Variants in MAN1C1 observed in about 807,000 individuals in gnomAD.
MAN1C1 encodes mannosyl-oligosaccharide 1,2-alpha-mannosidase IC.
MAN1C1 carries 49 observed loss-of-function variants against 71.5 expected under a neutral mutation model. The ratio of observed to expected loss-of-function variants is 0.69; its 90% confidence interval spans 0.54 to 0.87. MAN1C1 has a LOEUF of 0.87. Among genes scored for constraint, MAN1C1 ranks in the 40% least tolerant of loss-of-function variants. The pLI, the probability that MAN1C1 is intolerant of heterozygous loss-of-function variation, is 0.00. For missense variants in MAN1C1, 743 were observed against 835.0 expected, an observed-to-expected ratio of 0.89 and a Z score of 1.36; for synonymous variants, 352 against 343.7, an observed-to-expected ratio of 1.02 and a Z score of -0.27.
At chr1:25,722,138 A>C (rs1201923583) in intron 2 of MAN1C1, among the ~76,000 whole-genome samples, 1 of 152,222 alleles carries the variant, frequency 6.6e-6, no homozygotes, top group East Asian at 1.9e-4. Context: ...TCCGGATGAG[A>C]AACCTGATGC....
intron 1 of MAN1C1, among the ~76,000 whole-genome samples, chr1:25,677,570 T>A (rs1415992096): frequency 6.6e-6 from 1 of 152,196 alleles, no homozygotes; most frequent in African/African-American, 2.4e-5. Context: ...TATCTCTTGC[T>A]GTAGCTCTGG....
chr1:25,644,589 G>A (rs1164494576), intron 1 of MAN1C1: 2 of 139,740 alleles, frequency 1.4e-5, no homozygotes, highest in Non-Finnish European at 3.0e-5. Context: ...ACAGTGGTGC[G>A]ATCTGGGCTC....
rs535830820 is a variant in MAN1C1, at chr1:25,776,715, G to A, written c.1258-1390G>A. Among the ~76,000 whole-genome samples, 4 of 152,120 alleles carry A rather than the reference G, an allele frequency of 2.6e-5. No individual in the cohort carries two copies. Among genetic ancestry groups the A allele is most frequent in the Admixed American group, 6.5e-5 (1 of 15,270 alleles). On this transcript the variant is annotated intron_variant, in intron 8 of 11. Transcript: ENST00000374332. The surrounding 1 kb of genome is among the most constrained non-coding windows in gnomAD (Gnocchi z 4.3). ...ACCAAGGAAATATTACATGGCTGCC[G>A]AGATATTGTAAGCCAGGAGGGTACC...
intron 1 of MAN1C1, among the ~76,000 whole-genome samples, chr1:25,625,643 C>T (rs1044995357): frequency 2.0e-5 from 3 of 152,058 alleles, no homozygotes; most frequent in Non-Finnish European, 4.4e-5. Flanking sequence ...TAGCAAGACC[C>T]TGTCGCTCTC....
In MAN1C1 at chr1:25,784,050, A is replaced by G. The variant is rs1440782741; in HGVS notation, c.*261A>G. Reference sequence around the variant, plus strand: ...ATGAAGCCCACTCACTTGCCATTCCAGGGCCAAAGGACCGGAGGTTTGCAT... The same window carrying G: ...ATGAAGCCCACTCACTTGCCATTCCGGGGCCAAAGGACCGGAGGTTTGCAT... On this transcript the variant is annotated 3_prime_UTR_variant, in exon 12 of 12. Coordinates refer to ENST00000374332, the MANE Select transcript of MAN1C1 (RefSeq NM_020379.4). 2 of 402,346 alleles carry G rather than the reference A, an allele frequency of 5.0e-6. No individual in the cohort carries two copies. The highest frequency in any genetic ancestry group is 8.9e-6 in the Non-Finnish European group (2 of 224,526). 24.9% of individuals were successfully genotyped at this position (402,346 alleles called of 1,614,324 possible).
chr1:25,678,466 C>A (rs1332547573), intron 1 of MAN1C1, among the ~76,000 whole-genome samples: 1 of 152,178 alleles, frequency 6.6e-6, no homozygotes, highest in Non-Finnish European at 1.5e-5. Context: ...GTCTCAAAAT[C>A]GTTAAACAGT....
At position 25,782,724 on chromosome 1, in the gene MAN1C1, G is replaced by A. The variant is rs1232543823; in HGVS notation, c.1766+24G>A. ...AAGTGAGCAGTGTGGGCTCTTCCTA[G>A]GGATGGACAGGTGGGAGGTTGAGGG... On this transcript the variant is annotated intron_variant, in intron 11 of 11. Coordinates refer to ENST00000374332, the MANE Select transcript of MAN1C1 (RefSeq NM_020379.4). The surrounding 1 kb of genome is among the most constrained non-coding windows in gnomAD (Gnocchi z 4.4). 4 of 1,564,458 alleles carry A rather than the reference G, an allele frequency of 2.6e-6. No homozygotes were observed. Among genetic ancestry groups the A allele is most frequent in the African/African-American group, 2.7e-5 (2 of 73,804 alleles).
chr1:25,770,386 A>C (rs2047533949), intron 7 of MAN1C1, among the ~76,000 whole-genome samples: 2 of 151,812 alleles, frequency 1.3e-5, no homozygotes, highest in Non-Finnish European at 2.9e-5. Context: ...CCTCCTCTCG[A>C]CCCCCATTCC....
chr1:25,712,678 G>A (rs565986949), intron 2 of MAN1C1, among the ~76,000 whole-genome samples: 40 of 152,228 alleles, frequency 2.6e-4, no homozygotes, highest in Non-Finnish European at 4.1e-4. Flanking sequence ...TTCACTTCTC[G>A]AATAGGAAAA....
chr1:25,653,959 G>C (rs2045727745), intron 1 of MAN1C1, among the ~76,000 whole-genome samples: 1 of 152,194 alleles, frequency 6.6e-6, no homozygotes, highest in Non-Finnish European at 1.5e-5. Flanking sequence ...GGCCAGGGAA[G>C]CTGATAACCA....
chr1:25,628,962 A>G (rs1435678958), intron 1 of MAN1C1, among the ~76,000 whole-genome samples: 1 of 152,212 alleles, frequency 6.6e-6, no homozygotes, highest in Non-Finnish European at 1.5e-5. Context: ...TCCATGGCAT[A>G]TATATACCAC....
chr1:25,631,285 G>A lies in MAN1C1; in HGVS notation c.540+12948G>A, dbSNP rs999446073. On this transcript the variant is annotated intron_variant, in intron 1 of 11. Transcript: ENST00000374332. This position sits in a 1 kb window ranked among gnomAD's most constrained non-coding sequence, Gnocchi z 4.2. Reference sequence around the variant, plus strand: ...ACCCAGCCCAGTGCTATGTTTAATAGAAGTAGTGAAAGTCGGCATCCTTGT... The same window carrying A: ...ACCCAGCCCAGTGCTATGTTTAATAAAAGTAGTGAAAGTCGGCATCCTTGT... Among the ~76,000 whole-genome samples the A allele has an allele frequency of 3.3e-5, 5 of 152,190 alleles. No individual in the cohort carries two copies. Among genetic ancestry groups the A allele is most frequent in the Non-Finnish European group, 5.9e-5 (4 of 68,020 alleles).
At chr1:25,728,695 G>A (rs1452185330) in intron 2 of MAN1C1, among the ~76,000 whole-genome samples, 1 of 152,174 alleles carries the variant, frequency 6.6e-6, no homozygotes, top group Non-Finnish European at 1.5e-5. Context: ...AGGCCTCAAA[G>A]TGGTGTATGG....
At position 25,781,051 on chromosome 1, in the gene MAN1C1, T is replaced by C. The variant is rs1297768241; in HGVS notation, c.1589T>C (p.Met530Thr). 3 of 1,614,070 alleles carry C rather than the reference T, an allele frequency of 1.9e-6. No homozygotes were observed. In the South Asian group the frequency reaches 3.3e-5, roughly 18 times the overall value. ...CGGCCAGAGGTGGTGGAGAGCTACA[T>C]GTACCTGTGGCGACAGACCCACAAC... ...ILRPEVVESYMYLWRQTHNPI... is the reference protein window; with the variant it reads ...ILRPEVVESYTYLWRQTHNPI... The change falls in exon 10 of 12, where the codon ATG (methionine) becomes ACG (threonine). Residue 530 changes from methionine to threonine, a missense_variant. By Grantham distance (81) the Met-to-Thr change is moderately conservative. Coordinates refer to ENST00000374332, the MANE Select transcript of MAN1C1 (RefSeq NM_020379.4).
chr1:25,768,806 C>T (rs1348440787), intron 7 of MAN1C1, among the ~76,000 whole-genome samples: 3 of 148,584 alleles, frequency 2.0e-5, no homozygotes, highest in Non-Finnish European at 4.5e-5. Flanking sequence ...ACACACTGCG[C>T]TCACACATAT....
At position 25,783,756 on chromosome 1, in the gene MAN1C1, A is replaced by G. The variant is rs1168771184; in HGVS notation, c.1860A>G (p.Ser620=). The G allele has an allele frequency of 6.2e-7, 1 of 1,612,828 alleles. No individual in the cohort carries two copies. Among genetic ancestry groups the G allele is most frequent in the Non-Finnish European group, 8.5e-7 (1 of 1,180,018 alleles). Residue 620 remains serine, a synonymous_variant, in exon 12 of 12, where the codon TCA becomes TCG. Transcript: ENST00000374332. ...CCCACCCACTCCCGGTGAACCACTC[A>G]GACAGCTCCGGCAGAGCCTGGGGCA... ...TEAHPLPVNH[S]DSSGRAWGRH is the part of the protein sequence containing the mutation.
intron 2 of MAN1C1, among the ~76,000 whole-genome samples, chr1:25,715,710 G>A (rs2046671022): frequency 6.6e-6 from 1 of 152,212 alleles, no homozygotes; most frequent in Admixed American, 6.5e-5. Flanking sequence ...CCCTTGAGCA[G>A]TATAGAGCAG....
At chr1:25,738,022 G>T (rs1193931728) in intron 2 of MAN1C1, among the ~76,000 whole-genome samples, 2 of 152,158 alleles carry the variant, frequency 1.3e-5, no homozygotes, top group Admixed American at 1.3e-4. Context: ...GAGAACTGAG[G>T]CAGGGGTGAG....
chr1:25,700,912 G>T (rs562165537), intron 2 of MAN1C1, among the ~76,000 whole-genome samples: 3 of 152,328 alleles, frequency 2.0e-5, no homozygotes, highest in African/African-American at 4.8e-5. Flanking sequence ...GCCTCTTGGG[G>T]CATTCGGCAC....
Sources: gnomAD v4.1 joint callset for allele counts (sites outside exome capture counted in the v4.1 genomes callset) on GRCh38, gnomAD v4.1.1 for gene constraint, Gnocchi (gnomAD v3.1) non-coding constraint, MANE v1.5 for transcripts, NCBI Gene and HGNC (gene_info 2026-07-23, HGNC 2026-07-21) for gene names.